GMDS: variants seen among roughly 807,000 people sequenced by gnomAD.
GMDS encodes the protein GDP-mannose 4,6 dehydratase.
Under a neutral mutation model 49.9 loss-of-function variants are expected in GMDS, and 20 were observed. That is an observed-to-expected ratio of 0.40 (90% confidence interval 0.28 to 0.58). GMDS has a LOEUF of 0.58. Among genes scored for constraint, GMDS ranks in the 20% least tolerant of loss-of-function variants. GMDS has a pLI of 0.42. For missense variants in GMDS, 362 were observed against 481.4 expected, an observed-to-expected ratio of 0.75 and a Z score of 2.32; for synonymous variants, 177 against 178.6, an observed-to-expected ratio of 0.99 and a Z score of 0.07.
intron 1 of GMDS, among the ~76,000 whole-genome samples, chr6:2,133,095 C>G (rs1268814208): frequency 6.6e-6 from 1 of 152,118 alleles, no homozygotes; most frequent in African/African-American, 2.4e-5. Context: ...CTTTGCAGTT[C>G]TAATCACTCG....
At chr6:2,231,573 A>G (rs1781113029) in intron 1 of GMDS, among the ~76,000 whole-genome samples, 1 of 152,166 alleles carries the variant, frequency 6.6e-6, no homozygotes, top group African/African-American at 2.4e-5. Context: ...CCAAAAAAAA[A>G]GCCTAAGGAA....
intron 4 of GMDS, among the ~76,000 whole-genome samples, chr6:2,023,491 TGCAGGCCAA>T: frequency 6.6e-6 from 1 of 152,364 alleles, no homozygotes; most frequent in South Asian, 2.1e-4. Flanking sequence ...GGGGCCCTTC[TGCAGGCCAA>T]GTGGACAGCA....
intron 7 of GMDS, among the ~76,000 whole-genome samples, chr6:1,910,313 T>C (rs929139734): frequency 2.7e-5 from 4 of 146,910 alleles, no homozygotes; most frequent in Admixed American, 2.0e-4. Flanking sequence ...TAAATGAAAC[T>C]GAAAAAAAAA....
chr6:2,151,301 G>A (rs1776831760), intron 1 of GMDS, among the ~76,000 whole-genome samples: 1 of 151,642 alleles, frequency 6.6e-6, no homozygotes, highest in African/African-American at 2.4e-5. Context: ...CACTTAATAT[G>A]TACCCACAAA....
intron 4 of GMDS, among the ~76,000 whole-genome samples, chr6:2,028,752 T>C (rs1470219380): frequency 6.6e-6 from 1 of 152,190 alleles, no homozygotes; most frequent in Non-Finnish European, 1.5e-5. Context: ...CTGCAGAGAA[T>C]GTCTAACATA....
chr6:2,000,820 C>A (rs1343450441), intron 4 of GMDS, among the ~76,000 whole-genome samples: 1 of 152,188 alleles, frequency 6.6e-6, no homozygotes, highest in Non-Finnish European at 1.5e-5. Flanking sequence ...CACCACCATG[C>A]CCAGCCTTCA....
At chr6:1,924,880 A>C (rs1581370333) in intron 7 of GMDS, among the ~76,000 whole-genome samples, 1 of 152,160 alleles carries the variant, frequency 6.6e-6, no homozygotes, top group East Asian at 1.9e-4. Context: ...ACTTAAGATA[A>C]AAATATTTTA....
chr6:1,896,250 C>T (rs1581321179), intron 7 of GMDS, among the ~76,000 whole-genome samples: 1 of 152,158 alleles, frequency 6.6e-6, no homozygotes, highest in East Asian at 1.9e-4. Context: ...GTGCACTCCC[C>T]CTAAAAACTG....
chr6:1,643,652 G>T (rs990202403), intron 9 of GMDS, among the ~76,000 whole-genome samples: 5 of 151,998 alleles, frequency 3.3e-5, no homozygotes, highest in Non-Finnish European at 5.9e-5. Context: ...GGGCCACGGT[G>T]GGGGGGACAC....
At chr6:2,066,778 A>C (rs1313638724) in intron 4 of GMDS, among the ~76,000 whole-genome samples, 7 of 152,008 alleles carry the variant, frequency 4.6e-5, no homozygotes, top group Non-Finnish European at 5.9e-5. Flanking sequence ...TCCTGAGTGA[A>C]CTACAAAGAG....
chr6:1,636,732 C>T (rs1225772022), intron 9 of GMDS, among the ~76,000 whole-genome samples: 1 of 152,206 alleles, frequency 6.6e-6, no homozygotes, highest in African/African-American at 2.4e-5. Context: ...TACCACGCTA[C>T]GGTTATGTCC....
chr6:2,001,261 C>T (rs2127382370), intron 4 of GMDS, among the ~76,000 whole-genome samples: 1 of 152,280 alleles, frequency 6.6e-6, no homozygotes, highest in Non-Finnish European at 1.5e-5. Flanking sequence ...AGCATCTTTT[C>T]ACATGCTTAT....
intron 1 of GMDS, among the ~76,000 whole-genome samples, chr6:2,207,783 T>G (rs1453434537): frequency 6.6e-6 from 1 of 151,970 alleles, no homozygotes; most frequent in East Asian, 1.9e-4. Context: ...TCCTGCCCAT[T>G]TGAAGTTTCT....
chr6:2,140,587 G>A (rs1487964752), intron 1 of GMDS, among the ~76,000 whole-genome samples: 1 of 152,218 alleles, frequency 6.6e-6, no homozygotes, highest in Non-Finnish European at 1.5e-5. Context: ...TATTTAATGA[G>A]AGAATACCCA....
chr6:1,948,172 A>G (rs1763177642), intron 6 of GMDS, among the ~76,000 whole-genome samples: 2 of 152,208 alleles, frequency 1.3e-5, no homozygotes, highest in Non-Finnish European at 2.9e-5. Flanking sequence ...TCTAGTATGT[A>G]GTAGAACCTA....
intron 7 of GMDS, among the ~76,000 whole-genome samples, chr6:1,851,425 T>C (rs1050714300): frequency 1.3e-5 from 2 of 152,212 alleles, no homozygotes; most frequent in South Asian, 2.1e-4. Flanking sequence ...TGGCAAACAA[T>C]ATAATATTAT....
At chr6:1,739,588 C>A (rs1300579754) in intron 8 of GMDS, among the ~76,000 whole-genome samples, 1 of 152,272 alleles carries the variant, frequency 6.6e-6, no homozygotes, top group Non-Finnish European at 1.5e-5. Flanking sequence ...CTGGCCACAG[C>A]GACAGGTCTA....
At chr6:1,874,149 T>G (rs1438243354) in intron 7 of GMDS, among the ~76,000 whole-genome samples, 1 of 152,214 alleles carries the variant, frequency 6.6e-6, no homozygotes, top group Non-Finnish European at 1.5e-5. Context: ...GTCACTCTGT[T>G]CTTGACTTCA....
chr6:2,067,301 A>T lies in GMDS; in HGVS notation c.345+48470T>A, dbSNP rs187246681. Among the ~76,000 whole-genome samples, 60 of 152,166 alleles carry T rather than the reference A, an allele frequency of 3.9e-4. No homozygotes were observed. The East Asian group carries it at 0.01, about 26-fold the overall frequency. The stretch of plus-strand genomic sequence containing the variant: ...GAAATTTATAGCACTAAATGCCCAC[A>T]AGAGAAAGCAGGAAAGATCCAAAAT... On this transcript the variant is annotated intron_variant, in intron 4 of 10. Coordinates refer to ENST00000380815, the MANE Select transcript of GMDS (RefSeq NM_001500.4).
Sources: allele counts gnomAD v4.1 joint callset (sites outside exome capture counted in the v4.1 genomes callset), GRCh38; gene constraint gnomAD v4.1.1; transcripts MANE v1.5; gene names NCBI Gene and HGNC (gene_info 2026-07-23, HGNC 2026-07-21).